PIK3C2G: variants seen among roughly 807,000 people sequenced by gnomAD.
PIK3C2G encodes the protein phosphatidylinositol 3-kinase C2 domain-containing subunit gamma.
A neutral mutation model predicts 181.1 loss-of-function variants in PIK3C2G; 168 were observed. That is an observed-to-expected ratio of 0.93 (90% CI 0.82 to 1.05). The LOEUF is 1.05. Ranked by LOEUF, PIK3C2G falls within the 50% of genes least tolerant of loss-of-function variation. PIK3C2G has a pLI of 0.00. For missense variants in PIK3C2G, 1,869 were observed against 1,732.8 expected, an observed-to-expected ratio of 1.08 and a Z score of -1.40; for synonymous variants, 573 against 592.2, an observed-to-expected ratio of 0.97 and a Z score of 0.47.
At chr12:18,647,351 G>A (rs910355976) in intron 32 of PIK3C2G, among the ~76,000 whole-genome samples, 3 of 150,996 alleles carry the variant, frequency 2.0e-5, no homozygotes, top group South Asian at 2.1e-4. Context: ...TGGGTGCTAC[G>A]TTCACTACTT....
At chr12:18,640,998 G>A (rs921754480) in intron 32 of PIK3C2G, among the ~76,000 whole-genome samples, 14 of 151,920 alleles carry the variant, frequency 9.2e-5, no homozygotes, top group African/African-American at 3.4e-4. Context: ...ATTATAAATA[G>A]CTCTCTAATT....
Position 18,291,012 on chromosome 12 carries a change from G to T in PIK3C2G, c.919G>T (p.Ala307Ser). The T allele has an allele frequency of 6.3e-7, 1 of 1,588,616 alleles. No homozygotes were observed. The highest frequency in any genetic ancestry group is 8.6e-7 in the Non-Finnish European group (1 of 1,160,660). Residue 307 changes from alanine (A) to serine (S), a missense_variant and splice_region_variant, in exon 4 of 33, where the codon GCT (alanine) becomes TCT (serine). Physicochemically the swap from Ala to Ser is moderately conservative, Grantham distance 99. Transcript: ENST00000538779. ...STQPLHFMPC[A>S]NYLVKDLIAE... ...ACAACCTCTTCATTTTATGCCATGT[G>T]GTAAGCAACCTTGCAAATAAGTCTA... is the stretch of plus-strand genomic sequence containing the variant.
chr12:18,688,086 C>A, the PIK3C2G span: 1 of 1,610,458 alleles, frequency 6.2e-7, no homozygotes, highest in Non-Finnish European at 8.5e-7. Context: ...ATCAGGAGCT[C>A]ACCATTTTTT....
chr12:18,474,661 A>T (rs1008688640), intron 18 of PIK3C2G, among the ~76,000 whole-genome samples: 2 of 152,150 alleles, frequency 1.3e-5, no homozygotes, highest in Non-Finnish European at 2.9e-5. Flanking sequence ...TAAAGCATAC[A>T]AATAAGAAGA....
chr12:18,569,556 G>T (rs768437258), intron 29 of PIK3C2G, among the ~76,000 whole-genome samples: 5 of 152,060 alleles, frequency 3.3e-5, no homozygotes, highest in African/African-American at 4.8e-5. Context: ...AATGTTTCCA[G>T]TTTGGGGCTA....
At chr12:18,562,629 G>A (rs1270528366) in intron 26 of PIK3C2G, 74 bp from the exon 27 acceptor site, 30 of 907,056 alleles carry the variant, frequency 3.3e-5, no homozygotes, top group Non-Finnish European at 2.7e-5. Flanking sequence ...ACAAACACAA[G>A]GAAACAGATC....
chr12:18,313,227 T>C (rs1950713016), intron 5 of PIK3C2G, among the ~76,000 whole-genome samples: 1 of 152,172 alleles, frequency 6.6e-6, no homozygotes, highest in Non-Finnish European at 1.5e-5. Context: ...AAAATAGTAA[T>C]TCATTGTGCT....
At chr12:18,660,161 A>T in the PIK3C2G span, among the ~76,000 whole-genome samples, 1 of 152,072 alleles carries the variant, frequency 6.6e-6, no homozygotes, top group Admixed American at 6.6e-5. Context: ...CTGGATAGTA[A>T]ATTTCAGTAC....
chr12:18,343,476 C>T (rs1939344854), intron 10 of PIK3C2G, 116 bp downstream of exon 10: 1 of 475,732 alleles, frequency 2.1e-6, no homozygotes, highest in Admixed American at 4.2e-5. Flanking sequence ...AACACACACA[C>T]ACACACACAC....
chr12:18,455,386 T>G (rs1440395821), intron 18 of PIK3C2G, among the ~76,000 whole-genome samples: 1 of 152,102 alleles, frequency 6.6e-6, no homozygotes, highest in African/African-American at 2.4e-5. Context: ...GAGTCAAGAA[T>G]GACTCTCATG....
chr12:18,518,678 C>A (rs534514369), intron 24 of PIK3C2G, among the ~76,000 whole-genome samples: 20 of 152,104 alleles, frequency 1.3e-4, no homozygotes, highest in African/African-American at 4.8e-4. Context: ...TTTCAAAAAA[C>A]AAGCTCCTGG....
intron 15 of PIK3C2G, among the ~76,000 whole-genome samples, chr12:18,395,084 C>T (rs56738603): frequency 3.4e-4 from 48 of 141,568 alleles, no homozygotes; most frequent in Admixed American, 2.2e-3. Flanking sequence ...TCTTTCATTC[C>T]TTCTTTCTTT....
At chr12:18,670,474 C>T in the PIK3C2G span, among the ~76,000 whole-genome samples, 1 of 152,118 alleles carries the variant, frequency 6.6e-6, no homozygotes, top group East Asian at 1.9e-4. Flanking sequence ...AAGACAGCTT[C>T]AACTACCCAA....
intron 7 of PIK3C2G, among the ~76,000 whole-genome samples, chr12:18,324,429 ATT>A (rs1053969330): frequency 3.2e-4 from 48 of 152,212 alleles, no homozygotes; most frequent in African/African-American, 1.2e-3. Context: ...TTATGATTCA[ATT>A]TAAGTCAGGA....
intron 1 of PIK3C2G, among the ~76,000 whole-genome samples, chr12:18,255,281 GA>G (rs964274892): frequency 2.9e-4 from 42 of 145,364 alleles, no homozygotes; most frequent in African/African-American, 5.8e-4. Context: ...ATAAATGAAA[GA>G]AAAAAAGAAA....
intron 31 of PIK3C2G, among the ~76,000 whole-genome samples, chr12:18,617,543 G>A (rs1316065732): frequency 4.0e-5 from 6 of 151,806 alleles, no homozygotes; most frequent in African/African-American, 1.5e-4. Context: ...CATAACTAAG[G>A]GCTGAAATCT....
intron 31 of PIK3C2G, among the ~76,000 whole-genome samples, chr12:18,635,803 T>C (rs1949574304): frequency 1.3e-5 from 2 of 152,150 alleles, no homozygotes; most frequent in African/African-American, 2.4e-5. Flanking sequence ...TTCAGGTCAC[T>C]CAGCAAATGG....
At chr12:18,694,784 G>T in the PIK3C2G span, 1 of 757,868 alleles carries the variant, frequency 1.3e-6, no homozygotes, top group Non-Finnish European at 2.1e-6. Flanking sequence ...CCCACATATA[G>T]TACCTGAAAA....
chr12:18,700,695 G>A, the PIK3C2G span, among the ~76,000 whole-genome samples: 2 of 151,988 alleles, frequency 1.3e-5, no homozygotes, highest in South Asian at 4.1e-4. Context: ...ACTATATCAA[G>A]TCATTTTTTA....
Sources: allele counts gnomAD v4.1 joint callset (sites outside exome capture counted in the v4.1 genomes callset), GRCh38; gene constraint gnomAD v4.1.1; transcripts MANE v1.5; gene names NCBI Gene and HGNC (gene_info 2026-07-23, HGNC 2026-07-21).